Variants in IL1RAPL1 observed in about 807,000 individuals in gnomAD.
IL1RAPL1 encodes the protein interleukin-1 receptor accessory protein-like 1.
In IL1RAPL1, 3 loss-of-function variants were observed where a neutral mutation model predicts 48.4. That is an observed-to-expected ratio of 0.06 (90% CI 0.03 to 0.16). The LOEUF (loss-of-function observed/expected upper bound fraction) is 0.16. Among genes scored for constraint, IL1RAPL1 ranks in the 10% least tolerant of loss-of-function variants. The pLI is 1.00. For missense variants in IL1RAPL1, 349 were observed against 530.6 expected (o/e 0.66, Z 3.36); for synonymous variants, 185 against 187.7 (o/e 0.99, Z 0.12).
chrX:29,928,605 C>G (rs191994952), intron 8 of IL1RAPL1, among the ~76,000 whole-genome samples: 3 of 112,221 alleles, frequency 2.7e-5, no homozygotes, highest in Non-Finnish European at 5.6e-5. Flanking sequence ...GGGCAAAGCA[C>G]TGGGTTAGGC....
rs1021834329 is a variant in IL1RAPL1, at chrX:29,562,564, G to C, written c.704-105866G>C. Among the ~76,000 whole-genome samples, 4 of 111,471 alleles carry C rather than the reference G, an allele frequency of 3.6e-5. No individual in the cohort carries two copies. In the Admixed American group the frequency reaches 3.8e-4, roughly 11 times the overall value. On this transcript the variant is annotated intron_variant, in intron 5 of 10. Transcript: ENST00000378993. Reference sequence around the variant, plus strand: ...CCATCATTTATATATTAACATTAATGGGATGTGAATGTTTATAATAAAAGA... The same window carrying C: ...CCATCATTTATATATTAACATTAATCGGATGTGAATGTTTATAATAAAAGA...
intron 7 of IL1RAPL1, among the ~76,000 whole-genome samples, chrX:29,918,608 T>C (rs1370239850): frequency 9.0e-6 from 1 of 111,192 alleles, no homozygotes; most frequent in Non-Finnish European, 1.9e-5. Flanking sequence ...TTTTACATAT[T>C]TGAGCCACCA....
intron 3 of IL1RAPL1, among the ~76,000 whole-genome samples, chrX:29,363,655 C>T (rs914206610): frequency 9.0e-6 from 1 of 111,362 alleles, no homozygotes; most frequent in African/African-American, 3.3e-5. Flanking sequence ...GTAGCTTCTG[C>T]ATCTCGGGAG....
chrX:29,214,169 T>C (rs1169937896), intron 2 of IL1RAPL1, among the ~76,000 whole-genome samples: 2 of 111,492 alleles, frequency 1.8e-5, no homozygotes, highest in Admixed American at 1.9e-4. Context: ...ATTTTGTGTC[T>C]TGTGGGGATC....
chrX:28,816,138 T>C (rs894378829), intron 2 of IL1RAPL1, among the ~76,000 whole-genome samples: 4 of 107,589 alleles, frequency 3.7e-5, no homozygotes, highest in African/African-American at 1.3e-4. Flanking sequence ...GTATATGAGG[T>C]TTTCGCTTCC....
chrX:28,809,526 C>T (rs1361770250), intron 2 of IL1RAPL1, among the ~76,000 whole-genome samples: 2 of 110,108 alleles, frequency 1.8e-5, no homozygotes, highest in African/African-American at 6.6e-5. Flanking sequence ...GCAGCAGTAG[C>T]AAACAAGACA....
intron 2 of IL1RAPL1, among the ~76,000 whole-genome samples, chrX:28,906,376 A>G (rs1422495721): frequency 8.9e-6 from 1 of 112,294 alleles, no homozygotes; most frequent in African/African-American, 3.2e-5. Context: ...AAAGGCTCTG[A>G]GTCAGAAGCA....
At chrX:29,054,091 C>T (rs185848119) in intron 2 of IL1RAPL1, among the ~76,000 whole-genome samples, 1 of 111,138 alleles carries the variant, frequency 9.0e-6, no homozygotes, top group East Asian at 2.8e-4. Context: ...CAAATCTTAT[C>T]ATGTCTCTCT....
intron 2 of IL1RAPL1, among the ~76,000 whole-genome samples, chrX:29,136,761 G>T (rs1416683821): frequency 8.9e-6 from 1 of 111,959 alleles, no homozygotes; most frequent in Non-Finnish European, 1.9e-5. Flanking sequence ...TGATTATTCA[G>T]TATGGATAAT....
At chrX:29,881,355 G>A (rs1421562334) in intron 6 of IL1RAPL1, among the ~76,000 whole-genome samples, 34 of 110,706 alleles carry the variant, frequency 3.1e-4, no homozygotes, top group Non-Finnish European at 7.6e-5. Context: ...ATCAGCTGAG[G>A]GCTAAGAAAA....
intron 1 of IL1RAPL1, among the ~76,000 whole-genome samples, chrX:28,609,804 C>T (rs1934127746): frequency 9.0e-6 from 1 of 110,542 alleles, no homozygotes; most frequent in Non-Finnish European, 1.9e-5. Context: ...TCCAATAACC[C>T]TCCCTGTCCC....
chrX:28,855,586 G>A (rs1921784366), intron 2 of IL1RAPL1, among the ~76,000 whole-genome samples: 1 of 110,590 alleles, frequency 9.0e-6, no homozygotes, highest in Admixed American at 9.7e-5. Context: ...ATACCTTTTA[G>A]TTTCATTAAT....
At chrX:28,882,780 GACA>G (rs746386887) in intron 2 of IL1RAPL1, among the ~76,000 whole-genome samples, 6 of 112,088 alleles carry the variant, frequency 5.4e-5, no homozygotes, top group Non-Finnish European at 1.1e-4. Context: ...AAGGATGCTA[GACA>G]ACAACATGAA....
intron 5 of IL1RAPL1, among the ~76,000 whole-genome samples, chrX:29,497,232 A>T (rs749121968): frequency 4.6e-4 from 52 of 112,077 alleles, no homozygotes; most frequent in Non-Finnish European, 5.8e-4. Context: ...TTGATCACAT[A>T]ACTTGCTTTT....
intron 6 of IL1RAPL1, among the ~76,000 whole-genome samples, chrX:29,835,877 C>CTTTTT (rs763080058): frequency 3.8e-4 from 19 of 50,442 alleles, no homozygotes; most frequent in Admixed American, 6.1e-4. Context: ...TTTGAGTCTT[C>CTTTTT]TTTTTTTTTT....
intron 2 of IL1RAPL1, among the ~76,000 whole-genome samples, chrX:28,820,691 T>C (rs1452874009): frequency 1.8e-5 from 2 of 110,956 alleles, no homozygotes; most frequent in Non-Finnish European, 3.8e-5. Context: ...AAGCTAGCAT[T>C]TGAGTTCACG....
chrX:29,379,550 G>T (rs1392171906), intron 3 of IL1RAPL1, among the ~76,000 whole-genome samples: 1 of 111,974 alleles, frequency 8.9e-6, no homozygotes, highest in Non-Finnish European at 1.9e-5. Context: ...TCAAATGTCT[G>T]TGGGGGACAT....
At chrX:29,807,849 G>T (rs1294327462) in intron 6 of IL1RAPL1, among the ~76,000 whole-genome samples, 1 of 110,672 alleles carries the variant, frequency 9.0e-6, no homozygotes, top group African/African-American at 3.3e-5. Flanking sequence ...GCATGATTAT[G>T]CAATTAAATA....
chrX:29,530,862 T>A (rs1921017888), intron 5 of IL1RAPL1, among the ~76,000 whole-genome samples: 1 of 112,209 alleles, frequency 8.9e-6, no homozygotes, highest in Admixed American at 9.4e-5. Context: ...ATTATTATTT[T>A]TTCCAGTTGC....
Sources: allele counts gnomAD v4.1 joint callset (sites outside exome capture counted in the v4.1 genomes callset), GRCh38; gene constraint gnomAD v4.1.1; transcripts MANE v1.5; gene names NCBI Gene and HGNC (gene_info 2026-07-23, HGNC 2026-07-21).